PRKAG2: variants seen among roughly 807,000 people sequenced by gnomAD.
PRKAG2 encodes protein kinase AMP-activated non-catalytic subunit gamma 2.
PRKAG2 carries 26 observed loss-of-function variants against 69.6 expected under a neutral mutation model. That is an observed-to-expected ratio of 0.37 (90% CI 0.27 to 0.52). The LOEUF (loss-of-function observed/expected upper bound fraction) is 0.52, where lower values mean the gene tolerates loss of function less well. PRKAG2 is among the 20% of genes least tolerant of loss of function. The pLI is 0.90. For synonymous variants in PRKAG2, 293 were observed against 285.0 expected (o/e 1.03, Z -0.28); for missense variants, 557 against 740.0 (o/e 0.75, Z 2.87).
At position 151,565,752 on chromosome 7, in the gene PRKAG2, C is replaced by T. The variant is rs730880980; in HGVS notation, c.1367G>A (p.Arg456Gln). 6 of 1,613,734 alleles carry T rather than the reference C, an allele frequency of 3.7e-6. No homozygotes were observed. The highest frequency in any genetic ancestry group is 5.1e-6 in the Non-Finnish European group (6 of 1,179,738). Reference protein sequence around the residue: ...IKALNIFVERRISALPVVDES... With the variant: ...IKALNIFVERQISALPVVDES... The stretch of plus-strand genomic sequence containing the variant: ...ATCCACAACAGGCAGAGCTGATATT[C>T]GTCTTTCCACAAATATGTTCAAGGC... The change falls in exon 12 of 16, where the codon CGA becomes CAA. Residue 456 changes from arginine (R) to glutamine (Q), a missense_variant. This residue lies in a region of PRKAG2 where 205 missense variants were observed against 383.4 expected (regional missense o/e 0.53). Coordinates refer to ENST00000287878, the MANE Select transcript of PRKAG2 (RefSeq NM_016203.4).
intron 3 of PRKAG2, among the ~76,000 whole-genome samples, chr7:151,676,960 C>T (rs755704656): frequency 2.6e-5 from 4 of 152,174 alleles, no homozygotes; most frequent in Non-Finnish European, 5.9e-5. Flanking sequence ...ACCCAGAAGC[C>T]AGGGCGAGGC....
At chr7:151,618,409 T>C (rs1820670280) in intron 5 of PRKAG2, among the ~76,000 whole-genome samples, 1 of 149,450 alleles carries the variant, frequency 6.7e-6, no homozygotes, top group Non-Finnish European at 1.5e-5. Flanking sequence ...GCCGAGATCA[T>C]GCCACTGCAC....
At chr7:151,783,000 C>G (rs182310910) in intron 2 of PRKAG2, among the ~76,000 whole-genome samples, 1 of 152,238 alleles carries the variant, frequency 6.6e-6, no homozygotes, top group African/African-American at 2.4e-5. Flanking sequence ...AAAGGGAACA[C>G]AGGACACCCC....
At chr7:151,810,708 G>C (rs567819187) in intron 1 of PRKAG2, 9 of 153,888 alleles carry the variant, frequency 5.8e-5, no homozygotes, top group African/African-American at 2.2e-4. Flanking sequence ...CGGTGACTAA[G>C]GAGCTGCAGC....
rs544387605 is a variant in PRKAG2 at position 151,835,923 on chromosome 7, G to A, written c.114+40584C>T. On this transcript the variant is annotated intron_variant, in intron 1 of 15. Transcript: ENST00000287878. The surrounding 1 kb of genome is among the most constrained non-coding windows in gnomAD (Gnocchi z 4.1). ...GTGGGGTGCAGCTCAGGGAGGCATCGGAGATGGGGACTGTGACGAGGCCAA... is the reference window on the plus strand; with the variant it reads ...GTGGGGTGCAGCTCAGGGAGGCATCAGAGATGGGGACTGTGACGAGGCCAA... Among the ~76,000 whole-genome samples the A allele has an allele frequency of 2.0e-5, 3 of 152,206 alleles. No homozygotes were observed. Among genetic ancestry groups the A allele is most frequent in the Non-Finnish European group, 2.9e-5 (2 of 68,032 alleles).
intron 4 of PRKAG2, chr7:151,675,046 C>T (rs569394161): frequency 1.1e-5 from 4 of 350,186 alleles, no homozygotes; most frequent in African/African-American, 2.1e-5. Flanking sequence ...CTCAGCCTCC[C>T]GAGTAGTTGG....
At position 151,564,241 on chromosome 7, in the gene PRKAG2, G is replaced by T. The variant is rs773182567; in HGVS notation, c.1438-17C>A. 9 of 1,613,488 alleles carry T rather than the reference G, an allele frequency of 5.6e-6. No homozygotes were observed. The highest frequency in any genetic ancestry group is 3.4e-6 in the Non-Finnish European group (4 of 1,179,610). ...AGCAAGATTCTGTAATGAAGCAAGAGAATAAATTATATCCTTTCATTTCAG... is the reference window on the plus strand; with the variant it reads ...AGCAAGATTCTGTAATGAAGCAAGATAATAAATTATATCCTTTCATTTCAG... On this transcript the variant is annotated splice_polypyrimidine_tract_variant and intron_variant, in intron 13 of 15. Transcript: ENST00000287878.
At chr7:151,876,152 G>A (rs1386923718) in intron 1 of PRKAG2, among the ~76,000 whole-genome samples, 1 of 148,104 alleles carries the variant, frequency 6.8e-6, no homozygotes, top group Admixed American at 6.7e-5. Context: ...AGTCCACACC[G>A]TCCCTTTTCA....
intron 6 of PRKAG2, among the ~76,000 whole-genome samples, chr7:151,588,648 C>T (rs1305675458): frequency 6.6e-6 from 1 of 152,118 alleles, no homozygotes; most frequent in Non-Finnish European, 1.5e-5. Flanking sequence ...GCGTGAGACA[C>T]CGCACCCAGC....
chr7:151,658,420 G>GGTTGCAGTAAGCCAAGATCACGCC (rs892431940), intron 4 of PRKAG2, among the ~76,000 whole-genome samples: 6 of 149,168 alleles, frequency 4.0e-5, no homozygotes, highest in Admixed American at 1.3e-4. Flanking sequence ...GGGAGGCAAA[G>GGTTGCAGTAAGCCAAGATCACGCC]GTTGCAGTAA....
chr7:151,650,924 T>C (rs1024185006), intron 4 of PRKAG2, among the ~76,000 whole-genome samples: 6 of 151,056 alleles, frequency 4.0e-5, no homozygotes, highest in Admixed American at 2.0e-4. Context: ...GAGGAAAACA[T>C]GTGCAATTGA....
chr7:151,595,822 T>A (rs984638924), intron 5 of PRKAG2, among the ~76,000 whole-genome samples: 1 of 152,114 alleles, frequency 6.6e-6, no homozygotes, highest in Non-Finnish European at 1.5e-5. Flanking sequence ...TCAGGGTTAA[T>A]AAAACAAAGA....
intron 7 of PRKAG2, 126 bp from the exon 8 acceptor site, chr7:151,575,075 A>G (rs1808568988): frequency 7.6e-7 from 1 of 1,315,954 alleles, no homozygotes; most frequent in Non-Finnish European, 1.0e-6. Flanking sequence ...TATCAAGCAG[A>G]GTTTAATATA....
intron 3 of PRKAG2, among the ~76,000 whole-genome samples, chr7:151,737,948 T>C: frequency 9.3e-6 from 1 of 107,664 alleles, no homozygotes; most frequent in Non-Finnish European, 1.8e-5. Flanking sequence ...CCACGGGGCC[T>C]CCATCCACAG....
chr7:151,570,058 G>T (rs1431507494), intron 10 of PRKAG2, 113 bp downstream of exon 10: 1 of 1,263,620 alleles, frequency 7.9e-7, no homozygotes, highest in Admixed American at 2.0e-5. Flanking sequence ...GAATTAAGGA[G>T]GCAGGCCCTG....
chr7:151,568,986 A>T, intron 10 of PRKAG2, 144 bp from the exon 11 acceptor site: 3 of 974,672 alleles, frequency 3.1e-6, no homozygotes, highest in Non-Finnish European at 4.7e-6. Context: ...TAGAGATCTC[A>T]GCAAATTTTT....
chr7:151,636,340 C>G (rs1345235440), intron 4 of PRKAG2, among the ~76,000 whole-genome samples: 2 of 152,134 alleles, frequency 1.3e-5, no homozygotes, highest in Non-Finnish European at 2.9e-5. Flanking sequence ...TCACACCCAT[C>G]CCTAGGCAAC....
intron 1 of PRKAG2, among the ~76,000 whole-genome samples, chr7:151,851,270 G>A (rs1347119724): frequency 6.6e-6 from 1 of 151,812 alleles, no homozygotes; most frequent in East Asian, 1.9e-4. Context: ...TTCCTGCCAT[G>A]AGAGCTCACT....
At chr7:151,747,083 G>A (rs1255016015) in intron 3 of PRKAG2, among the ~76,000 whole-genome samples, 2 of 152,210 alleles carry the variant, frequency 1.3e-5, no homozygotes, top group African/African-American at 2.4e-5. Flanking sequence ...CACAGAGCAG[G>A]TAGTGGCACA....
Sources: gnomAD v4.1 joint callset for allele counts (sites outside exome capture counted in the v4.1 genomes callset) on GRCh38, gnomAD v4.1.1 for gene constraint, gnomAD v4.1.1 regional missense constraint, Gnocchi (gnomAD v3.1) non-coding constraint, MANE v1.5 for transcripts, NCBI Gene and HGNC (gene_info 2026-07-23, HGNC 2026-07-21) for gene names.